Variants in CACNG7 observed in about 807,000 individuals in gnomAD.
CACNG7 encodes the protein voltage-dependent calcium channel gamma-7 subunit.
A neutral mutation model predicts 26.3 loss-of-function variants in CACNG7; 9 were observed. The observed-to-expected ratio is 0.34, with a 90% confidence interval of 0.21 to 0.60. The LOEUF (loss-of-function observed/expected upper bound fraction) is 0.60. CACNG7 is among the 20% of genes least tolerant of loss of function. The pLI is 0.81. For missense variants in CACNG7, 297 were observed against 380.4 expected (o/e 0.78, Z 1.82); for synonymous variants, 170 against 157.0 (o/e 1.08, Z -0.62).
At chr19:53,921,957 C>A (rs746114306) in intron 4 of CACNG7, among the ~76,000 whole-genome samples, 1 of 76,178 alleles carries the variant, frequency 1.3e-5, no homozygotes, top group East Asian at 3.3e-4. Context: ...GGTGGAGTTG[C>A]CCCAGGCCTG....
chr19:53,923,686 C>T (rs371316417), intron 4 of CACNG7, among the ~76,000 whole-genome samples: 6,487 of 78,230 alleles, frequency 0.083, 14 homozygotes, highest in African/African-American at 0.17. Flanking sequence ...GGAGTTGTCC[C>T]AGGCCTGGTC....
intron 2 of CACNG7, among the ~76,000 whole-genome samples, chr19:53,913,785 TAAAAA>T (rs58238779): frequency 4.3e-5 from 4 of 94,016 alleles, no homozygotes; most frequent in South Asian, 3.8e-4. Flanking sequence ...CCCAGTCTCT[TAAAAA>T]AAAAAAAAAA....
At chr19:53,938,349 A>G (rs1052666739) in intron 4 of CACNG7, among the ~76,000 whole-genome samples, 2 of 152,108 alleles carry the variant, frequency 1.3e-5, no homozygotes, top group African/African-American at 4.8e-5. Context: ...CCCTGTCCCA[A>G]AAAGAAAAAA....
At chr19:53,927,076 C>G (rs539100629) in intron 4 of CACNG7, among the ~76,000 whole-genome samples, 6 of 152,068 alleles carry the variant, frequency 3.9e-5, no homozygotes, top group Non-Finnish European at 1.5e-5. Flanking sequence ...CCTGCCACCA[C>G]GCCTGGCTAA....
chr19:53,910,361 T>C (rs966739645), intron 1 of CACNG7, among the ~76,000 whole-genome samples: 4 of 50,618 alleles, frequency 7.9e-5, no homozygotes, highest in East Asian at 9.4e-4. Flanking sequence ...CTCCAAGAGG[T>C]TGGGGGGGAA....
At chr19:53,928,263 AT>A (rs372505072) in intron 4 of CACNG7, among the ~76,000 whole-genome samples, 4,769 of 141,072 alleles carry the variant, frequency 0.034, 222 homozygotes, top group African/African-American at 0.13. Flanking sequence ...GGAGATTGGT[AT>A]TTATTTATTT....
intron 4 of CACNG7, among the ~76,000 whole-genome samples, chr19:53,932,708 T>C (rs1378284874): frequency 6.6e-6 from 1 of 152,206 alleles, no homozygotes; most frequent in African/African-American, 2.4e-5. Context: ...TATTTTTTTC[T>C]GGCCATTTAT....
intron 4 of CACNG7, among the ~76,000 whole-genome samples, chr19:53,925,334 T>C (rs2069019037): frequency 6.9e-6 from 1 of 145,000 alleles, no homozygotes; most frequent in African/African-American, 2.6e-5. Context: ...GGCCTGGTCA[T>C]TGGTGGAGTT....
chr19:53,941,615 G>C lies in CACNG7; in HGVS notation c.570G>C (p.Glu190Asp). The stretch of plus-strand genomic sequence containing the variant: ...CCGCTTCCTCCTTCCTACTCAAAGA[G>C]GTGACGTCCGTGGGACCTAGACTCT... ...AFAASSFLLK[E>D]GAGVMSVYLF... Residue 190 changes from glutamate (E) to aspartate (D), a missense_variant and splice_region_variant, in exon 5 of 6, where the codon GAG (glutamate) becomes GAC (aspartate). Glu to Asp is a conservative substitution (Grantham distance 45). Coordinates refer to ENST00000391767, the MANE Select transcript of CACNG7 (RefSeq NM_031896.5). The C allele has an allele frequency of 6.2e-7, 1 of 1,610,912 alleles. No individual in the cohort carries two copies. The highest frequency in any genetic ancestry group is 1.3e-5 in the African/African-American group (1 of 74,818).
chr19:53,919,636 C>G, intron 4 of CACNG7, among the ~76,000 whole-genome samples: 1 of 133,720 alleles, frequency 7.5e-6, no homozygotes, highest in Non-Finnish European at 1.6e-5. Context: ...GGTGGACTTG[C>G]CCCAGGCTGG....
At chr19:53,919,535 A>G (rs1303572761) in intron 4 of CACNG7, among the ~76,000 whole-genome samples, 1 of 137,598 alleles carries the variant, frequency 7.3e-6, no homozygotes, top group Admixed American at 7.4e-5. Context: ...GAGTTGCCTC[A>G]GGTCTGGTCA....
At chr19:53,936,512 G>A (rs537224690) in intron 4 of CACNG7, among the ~76,000 whole-genome samples, 5 of 152,248 alleles carry the variant, frequency 3.3e-5, no homozygotes, top group Middle Eastern at 3.4e-3. Context: ...CACCTACATG[G>A]ATAAATTGGT....
intron 3 of CACNG7, 97 bp downstream of exon 3, chr19:53,914,683 C>T: frequency 9.0e-7 from 1 of 1,107,950 alleles, no homozygotes; most frequent in Non-Finnish European, 1.4e-6. Context: ...GGGTGGGGTC[C>T]AAGGGAAGGA....
intron 4 of CACNG7, 49 bp from the exon 5 acceptor site, chr19:53,941,421 A>T (rs1454319654): frequency 1.4e-6 from 2 of 1,476,016 alleles, no homozygotes; most frequent in Non-Finnish European, 1.8e-6. Flanking sequence ...TGGGGCTGGG[A>T]AAAGGGGCCC....
chr19:53,915,153 GGTGTGGCCT>G, intron 3 of CACNG7, among the ~76,000 whole-genome samples: 1 of 152,148 alleles, frequency 6.6e-6, no homozygotes, highest in South Asian at 2.1e-4. Context: ...AGCCCAAGGA[GGTGTGGCCT>G]GTGTGAGGGG....
intron 4 of CACNG7, among the ~76,000 whole-genome samples, chr19:53,941,053 C>T (rs1305442309): frequency 1.4e-5 from 1 of 69,132 alleles, no homozygotes; most frequent in Non-Finnish European, 2.8e-5. Context: ...CAGAGTGAGA[C>T]TCCATTTCAA....
intron 3 of CACNG7, 85 bp from the exon 4 acceptor site, chr19:53,915,280 G>T (rs1599966268): frequency 9.9e-7 from 1 of 1,008,248 alleles, no homozygotes; most frequent in East Asian, 2.4e-5. Context: ...AAACGCAGAG[G>T]TGGTGAGAGC....
In CACNG7 at chr19:53,915,326, T is replaced by C. The variant is rs369713864; in HGVS notation, c.284-39T>C. 8 of 1,495,204 alleles carry C rather than the reference T, an allele frequency of 5.4e-6. No individual in the cohort carries two copies. The African/African-American group carries it at 1.1e-4, about 21-fold the overall frequency. The allele number at this position is 1,495,204 out of a possible 1,614,324, so 92.6% of individuals were successfully genotyped here. A position where few individuals can be genotyped will look rare whatever the true frequency, so the allele number is the denominator to read the frequency against. On this transcript the variant is annotated intron_variant, in intron 3 of 5. Transcript: ENST00000391767. ...GAATGGGGAAGTGTCCCACTGGAGA[T>C]TCCCCCCTCACCCCTGTCTCTCCCC...
intron 4 of CACNG7, among the ~76,000 whole-genome samples, chr19:53,916,901 G>A (rs1015450599): frequency 1.3e-5 from 2 of 151,586 alleles, no homozygotes; most frequent in African/African-American, 4.9e-5. Context: ...GGGTTCAAGC[G>A]ATTCTCCTGT....
Sources: allele counts gnomAD v4.1 joint callset (sites outside exome capture counted in the v4.1 genomes callset), GRCh38; gene constraint gnomAD v4.1.1; transcripts MANE v1.5; gene names NCBI Gene and HGNC (gene_info 2026-07-23, HGNC 2026-07-21).